Variants in SLC6A16 observed in about 807,000 individuals in gnomAD.
The protein encoded by SLC6A16 is solute carrier family 6 member 16, also known as orphan sodium- and chloride-dependent neurotransmitter transporter NTT5.
In SLC6A16, 54 loss-of-function variants were observed where a neutral mutation model predicts 65.4. The ratio of observed to expected loss-of-function variants is 0.83; its 90% confidence interval spans 0.66 to 1.04. The LOEUF is 1.04. SLC6A16 is among the 50% of genes least tolerant of loss of function. The pLI is 0.00. For missense variants in SLC6A16, 816 were observed against 914.0 expected (o/e 0.89, Z 1.38); for synonymous variants, 330 against 346.5 (o/e 0.95, Z 0.53).
upstream of SLC6A16, among the ~76,000 whole-genome samples, chr19:49,328,195 A>G (rs556086062): frequency 1.3e-5 from 2 of 152,302 alleles, no homozygotes; most frequent in Admixed American, 1.3e-4. Flanking sequence ...ATTGACTCAC[A>G]GTTCAGCTTG....
At chr19:49,333,330 G>A in the SLC6A16 span, among the ~76,000 whole-genome samples, 8 of 151,408 alleles carry the variant, frequency 5.3e-5, no homozygotes, top group East Asian at 1.2e-3. Flanking sequence ...AAAATTAGCC[G>A]GGCGTAGTGG....
the SLC6A16 span, among the ~76,000 whole-genome samples, chr19:49,330,681 C>T: frequency 1.3e-3 from 198 of 152,264 alleles, 1 homozygote; most frequent in Middle Eastern, 0.017. Context: ...CAGTGGCTTG[C>T]CTGTAATCCC....
chr19:49,305,370 T>C (rs1009388760), intron 7 of SLC6A16, among the ~76,000 whole-genome samples: 3 of 151,990 alleles, frequency 2.0e-5, no homozygotes, highest in African/African-American at 7.2e-5. Context: ...GGTGGGTGGA[T>C]CACTTGAGGT....
In SLC6A16 at chr19:49,292,644, C is replaced by A. The variant is rs1027399184; in HGVS notation, c.1778+579G>T. ...CTCTAGCCCCATCTCCTAATATCTT[C>A]TATTCCAGCCTCTCTGACTTCCTTG... is the stretch of plus-strand genomic sequence containing the variant. On this transcript the variant is annotated intron_variant, in intron 10 of 11. Coordinates refer to ENST00000335875, the MANE Select transcript of SLC6A16 (RefSeq NM_014037.3). The surrounding 1 kb of genome is among the most constrained non-coding windows in gnomAD (Gnocchi z 4.3). Among the ~76,000 whole-genome samples the A allele has an allele frequency of 3.3e-5, 5 of 152,202 alleles. No individual in the cohort carries two copies. Among genetic ancestry groups the A allele is most frequent in the Admixed American group, 3.3e-4 (5 of 15,276 alleles).
Position 49,290,757 on chromosome 19 carries a change from C to A in SLC6A16, c.1789G>T (p.Asp597Tyr), listed in dbSNP as rs781764989. 3.1e-6 allele frequency: 5 copies of A among 1,609,076 alleles called. No individual in the cohort carries two copies. The highest frequency in any genetic ancestry group is 1.1e-5 in the South Asian group (1 of 90,016). Residue 597 changes from aspartate (D) to tyrosine (Y), a missense_variant, in exon 11 of 12, where the codon GAC (aspartate) becomes TAC (tyrosine). Coordinates refer to ENST00000335875, the MANE Select transcript of SLC6A16 (RefSeq NM_014037.3). ...GGGTGGCCCAACAGGATCGTCAGGT[C>A]TGCAAGGAACCTGGAGAAGGGCCAC... ...WAYGARRFLADLTILLGHPIS... is the reference protein window; with the variant it reads ...WAYGARRFLAYLTILLGHPIS...
chr19:49,339,792 C>T, the SLC6A16 span: 1 of 1,359,756 alleles, frequency 7.4e-7, no homozygotes, highest in Non-Finnish European at 9.5e-7. The surrounding 1 kb of genome is among the most constrained non-coding windows in gnomAD (Gnocchi z 4.5). Context: ...GGCACAGCGG[C>T]AGTCTGTGGG....
At chr19:49,321,651 G>A (rs578262817) in intron 1 of SLC6A16, among the ~76,000 whole-genome samples, 131 of 152,194 alleles carry the variant, frequency 8.6e-4, no homozygotes, top group African/African-American at 3.0e-3. Context: ...CTGGAGAATC[G>A]CTTGAACCTG....
intron 7 of SLC6A16, among the ~76,000 whole-genome samples, chr19:49,300,043 A>G (rs1376228015): frequency 1.3e-5 from 2 of 151,922 alleles, no homozygotes; most frequent in Admixed American, 6.6e-5. Context: ...AGGATATTCA[A>G]GTAGAAGGAA....
upstream of SLC6A16, among the ~76,000 whole-genome samples, chr19:49,328,072 A>C (rs1043345378): frequency 5.3e-5 from 8 of 152,118 alleles, no homozygotes; most frequent in Admixed American, 5.2e-4. Flanking sequence ...TTTTAATGGC[A>C]GGCTCCCCCT....
In SLC6A16 at chr19:49,309,783, G is replaced by C. The variant is rs753875190; in HGVS notation, c.744C>G (p.Tyr248Ter). ...TGTCTGAGGCCTTCAAGGCCTGCTG[G>C]TACCAGAAGTATATGGAGGGTGTTG... ...ERTTPSIYFW[Y>*]QQALKASDRI... Residue 248 changes from tyrosine (Y) to a stop codon, truncating the protein, a stop_gained, in exon 5 of 12, where the codon TAC becomes TAG. Transcript: ENST00000335875. LOFTEE classifies it high-confidence loss of function. The C allele has an allele frequency of 4.1e-5, 66 of 1,613,814 alleles. No homozygotes were observed. The highest frequency in any genetic ancestry group is 4.7e-5 in the Non-Finnish European group (55 of 1,179,874).
chr19:49,329,858 C>T (rs1430675318), upstream of SLC6A16, among the ~76,000 whole-genome samples: 2 of 152,016 alleles, frequency 1.3e-5, no homozygotes, highest in Non-Finnish European at 2.9e-5. Flanking sequence ...TGGTCTCGAT[C>T]TCCTGAACTC....
At chr19:49,322,076 G>A (rs1179319430) in intron 1 of SLC6A16, among the ~76,000 whole-genome samples, 1 of 152,018 alleles carries the variant, frequency 6.6e-6, no homozygotes, top group Non-Finnish European at 1.5e-5. Context: ...ATTCAACATA[G>A]TACTGGAAGT....
intron 1 of SLC6A16, among the ~76,000 whole-genome samples, chr19:49,324,723 G>A (rs1379298904): frequency 6.6e-6 from 1 of 152,230 alleles, no homozygotes; most frequent in African/African-American, 2.4e-5. Flanking sequence ...GGCTAGACCC[G>A]GGTTTCTGCC....
At chr19:49,324,307 G>A (rs1046949490) in intron 1 of SLC6A16, among the ~76,000 whole-genome samples, 1 of 152,044 alleles carries the variant, frequency 6.6e-6, no homozygotes, top group Non-Finnish European at 1.5e-5. Context: ...CTCCAGCCTG[G>A]GTGACAGAGT....
At chr19:49,306,449 T>G (rs1970388197) in intron 7 of SLC6A16, among the ~76,000 whole-genome samples, 1 of 151,462 alleles carries the variant, frequency 6.6e-6, no homozygotes, top group South Asian at 2.1e-4. Flanking sequence ...TTGCTTTATA[T>G]AAGTGGACAA....
At chr19:49,329,622 CTTTTTTTTT>C (rs71180620), upstream of SLC6A16, among the ~76,000 whole-genome samples, 8 of 70,768 alleles carry the variant, frequency 1.1e-4, no homozygotes, top group East Asian at 9.3e-4. Context: ...AAGGCCTTGT[CTTTTTTTTT>C]TTTTTTTTTT....
intron 1 of SLC6A16, among the ~76,000 whole-genome samples, chr19:49,316,747 C>T (rs1970618184): frequency 6.6e-6 from 1 of 151,522 alleles, no homozygotes; most frequent in African/African-American, 2.4e-5. Flanking sequence ...AGGCCAGACA[C>T]AGTGGCTCAT....
intron 5 of SLC6A16, 115 bp from the exon 6 acceptor site, chr19:49,309,526 G>A (rs1314345700): frequency 1.6e-6 from 2 of 1,252,818 alleles, no homozygotes; most frequent in Non-Finnish European, 2.3e-6. Context: ...AAAGCCTTCA[G>A]CAAGAGTCAG....
At chr19:49,313,556 G>C (rs1324606418) in intron 1 of SLC6A16, among the ~76,000 whole-genome samples, 1 of 146,402 alleles carries the variant, frequency 6.8e-6, no homozygotes, top group Non-Finnish European at 1.5e-5. Flanking sequence ...AAGGCAGGCG[G>C]ATCACTTGAG....
Sources: gnomAD v4.1 joint callset for allele counts (sites outside exome capture counted in the v4.1 genomes callset) on GRCh38, gnomAD v4.1.1 for gene constraint, Gnocchi (gnomAD v3.1) non-coding constraint, MANE v1.5 for transcripts, NCBI Gene and HGNC (gene_info 2026-07-23, HGNC 2026-07-21) for gene names.